CD96: variants seen among roughly 807,000 people sequenced by gnomAD.
CD96 encodes T-cell surface protein tactile.
CD96 carries 70 observed loss-of-function variants against 71.3 expected under a neutral mutation model. The observed-to-expected ratio is 0.98, with a 90% CI of 0.81 to 1.20. The LOEUF (loss-of-function observed/expected upper bound fraction) is 1.20. Ranked by LOEUF, CD96 falls within the 50% of genes most tolerant of loss-of-function variation. The pLI is 0.00. For missense variants in CD96, 742 were observed against 677.5 expected, an observed-to-expected ratio of 1.10 and a Z score of -1.06; for synonymous variants, 248 against 233.0, an observed-to-expected ratio of 1.06 and a Z score of -0.59.
Position 111,647,654 on chromosome 3 carries a change from A to G in CD96, c.1589A>G (p.Tyr530Cys). 1 of 1,608,792 alleles carries G rather than the reference A, an allele frequency of 6.2e-7. No individual in the cohort carries two copies. The highest frequency in any genetic ancestry group is 8.5e-7 in the Non-Finnish European group (1 of 1,175,292). The change falls in exon 13 of 14, where the codon TAC becomes TGC. Residue 530 changes from tyrosine (Y) to cysteine (C), a missense_variant. Tyr to Cys is a radical substitution (Grantham distance 194, BLOSUM62 -2). Coordinates refer to ENST00000352690, the MANE Select transcript of CD96 (RefSeq NM_005816.5). ...CTTGGAGTGAGAAAATGGTGTCAGT[A>G]CCAAAAAGAAATGTGAGTATAATAC... ...FGLGVRKWCQ[Y>C]QKEIMERPPP...
intron 14 of CD96, among the ~76,000 whole-genome samples, chr3:111,660,966 T>C (rs1940339391): frequency 6.6e-6 from 1 of 152,188 alleles, no homozygotes; most frequent in African/African-American, 2.4e-5. Context: ...TACTAGTCCA[T>C]TCTCACACCT....
At chr3:111,641,228 C>T (rs939069522) in intron 12 of CD96, among the ~76,000 whole-genome samples, 3 of 152,192 alleles carry the variant, frequency 2.0e-5, no homozygotes, top group East Asian at 3.9e-4. Context: ...ACTTACCCAT[C>T]AACTATTTGC....
intron 12 of CD96, among the ~76,000 whole-genome samples, chr3:111,644,467 CA>C (rs1419765245): frequency 6.6e-6 from 1 of 151,708 alleles, no homozygotes; most frequent in African/African-American, 2.4e-5. Context: ...AGCAAGCACC[CA>C]AAAGCAAATG....
At chr3:111,660,522 A>G (rs528737122) in intron 14 of CD96, among the ~76,000 whole-genome samples, 3 of 152,388 alleles carry the variant, frequency 2.0e-5, no homozygotes, top group South Asian at 4.1e-4. Flanking sequence ...AAACTATTCT[A>G]ACATCTATAT....
intron 5 of CD96, 60 bp downstream of exon 5, chr3:111,585,438 C>A: frequency 9.2e-7 from 1 of 1,085,062 alleles, no homozygotes; most frequent in Non-Finnish European, 1.4e-6. Flanking sequence ...TGTCAGGTTG[C>A]ATAGTTGCCA....
intron 2 of CD96, among the ~76,000 whole-genome samples, chr3:111,545,871 C>T (rs1576295809): frequency 6.6e-6 from 1 of 152,096 alleles, no homozygotes; most frequent in East Asian, 1.9e-4. Flanking sequence ...AGGACCAGAT[C>T]ATGTTGGACC....
rs116516095 is a variant in CD96 at position 111,623,460 on chromosome 3, G to A, written c.1181-294G>A. 7.6e-3 allele frequency among the ~76,000 whole-genome samples: 1,153 copies of A among 152,178 alleles called. 17 individuals carry two copies. The highest frequency in any genetic ancestry group is 0.026 in the African/African-American group (1,090 of 41,524). The stretch of plus-strand genomic sequence containing the variant: ...CATTGTTTATTACTATATCCCCAGC[G>A]TGCAGAATAGAGTCTGGCATACAGT... On this transcript the variant is annotated intron_variant, in intron 8 of 13. Transcript: ENST00000352690.
intron 2 of CD96, among the ~76,000 whole-genome samples, chr3:111,566,111 A>T (rs1576326262): frequency 6.6e-6 from 1 of 150,712 alleles, no homozygotes; most frequent in South Asian, 2.1e-4. Flanking sequence ...ATAAAACTTC[A>T]TAACCTAGCC....
In CD96 at chr3:111,647,524, T is replaced by G. The variant is rs1394354167; in HGVS notation, c.1478-19T>G. On this transcript the variant is annotated intron_variant, in intron 12 of 13. Transcript: ENST00000352690. ...CAAAGTTTGGGATTAAAGTTCATCT[T>G]TCTTTATGCCCTTTTCAGGTATTGT... is the stretch of plus-strand genomic sequence containing the variant. 6.2e-7 allele frequency: 1 copy of G among 1,610,556 alleles called. No homozygotes were observed. Among genetic ancestry groups the G allele is most frequent in the Admixed American group, 1.7e-5 (1 of 59,972 alleles).
intron 8 of CD96, among the ~76,000 whole-genome samples, chr3:111,613,353 A>G (rs1304965171): frequency 1.3e-5 from 2 of 152,208 alleles, no homozygotes; most frequent in Non-Finnish European, 2.9e-5. Context: ...TAATCCAGCA[A>G]TACACATTAT....
intron 8 of CD96, among the ~76,000 whole-genome samples, chr3:111,611,730 T>C (rs1284589932): frequency 6.6e-6 from 1 of 152,032 alleles, no homozygotes; most frequent in African/African-American, 2.4e-5. Flanking sequence ...GGAAGAAAGA[T>C]GAGAAATGGA....
chr3:111,587,272 C>T (rs972669152), intron 5 of CD96, among the ~76,000 whole-genome samples: 4 of 152,216 alleles, frequency 2.6e-5, no homozygotes, highest in Non-Finnish European at 5.9e-5. Context: ...TGGCTGTTTT[C>T]ACAGGCTGGC....
At chr3:111,547,923 A>G (rs758481117) in intron 2 of CD96, among the ~76,000 whole-genome samples, 5 of 152,194 alleles carry the variant, frequency 3.3e-5, no homozygotes, top group Admixed American at 6.6e-5. Context: ...GCTACAGAGT[A>G]GGCAGCTGAC....
intron 2 of CD96, among the ~76,000 whole-genome samples, chr3:111,561,047 T>C (rs200469521): frequency 0.016 from 1,686 of 103,954 alleles, no homozygotes; most frequent in African/African-American, 0.033. Flanking sequence ...CGAGCCTTGG[T>C]TTTCAGCTCC....
At chr3:111,575,470 T>C (rs1435085785) in intron 3 of CD96, among the ~76,000 whole-genome samples, 3 of 152,250 alleles carry the variant, frequency 2.0e-5, no homozygotes, top group African/African-American at 4.8e-5. Flanking sequence ...TAAGGAACAG[T>C]ATTTTCCAAT....
chr3:111,566,821 A>G (rs974383416), intron 2 of CD96, among the ~76,000 whole-genome samples: 1 of 152,146 alleles, frequency 6.6e-6, no homozygotes, highest in African/African-American at 2.4e-5. Flanking sequence ...AAACTCTGGG[A>G]AGACTGTTAG....
chr3:111,659,923 C>G (rs943549510), intron 14 of CD96, among the ~76,000 whole-genome samples: 5 of 152,160 alleles, frequency 3.3e-5, no homozygotes, highest in African/African-American at 9.7e-5. Context: ...CAACATCATA[C>G]TGAATAGGCA....
chr3:111,624,985 T>C (rs73852846), intron 10 of CD96, among the ~76,000 whole-genome samples: 52 of 152,124 alleles, frequency 3.4e-4, no homozygotes, highest in African/African-American at 1.3e-3. Context: ...CAACGATCAG[T>C]GTGGTGGGGA....
intron 5 of CD96, among the ~76,000 whole-genome samples, chr3:111,587,117 C>A (rs1936750202): frequency 1.3e-5 from 2 of 152,084 alleles, no homozygotes; most frequent in South Asian, 4.2e-4. Flanking sequence ...AGTCTGAAAT[C>A]CAGCAGGGCA....
Sources: allele counts gnomAD v4.1 joint callset (sites outside exome capture counted in the v4.1 genomes callset), GRCh38; gene constraint gnomAD v4.1.1; transcripts MANE v1.5; gene names NCBI Gene and HGNC (gene_info 2026-07-23, HGNC 2026-07-21).